Variants in EYS observed in about 807,000 individuals in gnomAD.
The protein encoded by EYS is EGF-like photoreceptor maintenance factor, also known as protein eyes shut homolog.
EYS carries 250 observed loss-of-function variants against 282.1 expected under a neutral mutation model. That is an observed-to-expected ratio of 0.89 (90% CI 0.80 to 0.98). The LOEUF (loss-of-function observed/expected upper bound fraction) is 0.98, where lower values mean the gene tolerates loss of function less well. EYS is among the 50% of genes least tolerant of loss of function. The pLI, the probability that EYS is intolerant of heterozygous loss-of-function variation, is 0.00. For synonymous variants in EYS, 1,355 were observed against 1,282.9 expected (o/e 1.06, Z -1.20); for missense variants, 4,016 against 3,709.0 (o/e 1.08, Z -2.15).
At chr6:65,108,786 C>T (rs531438325) in intron 12 of EYS, among the ~76,000 whole-genome samples, 41 of 152,066 alleles carry the variant, frequency 2.7e-4, no homozygotes, top group African/African-American at 9.2e-4. Flanking sequence ...TTTTTTCTGC[C>T]CTATGCTTTC....
intron 31 of EYS, among the ~76,000 whole-genome samples, chr6:64,204,060 T>A (rs1765549285): frequency 6.6e-6 from 1 of 152,150 alleles, no homozygotes; most frequent in Admixed American, 6.6e-5. Flanking sequence ...AATAAACTAT[T>A]TGAGGCTAAA....
chr6:65,238,843 C>T (rs1766989001), intron 12 of EYS, among the ~76,000 whole-genome samples: 2 of 142,484 alleles, frequency 1.4e-5, no homozygotes, highest in African/African-American at 5.7e-5. Flanking sequence ...ATAAATAAAA[C>T]ACCCAAATTT....
chr6:64,096,055 T>C (rs1263222857), intron 31 of EYS, among the ~76,000 whole-genome samples: 1 of 152,220 alleles, frequency 6.6e-6, no homozygotes, highest in Non-Finnish European at 1.5e-5. Context: ...ATAATTCTTT[T>C]CTTTAAGAAT....
chr6:65,181,028 C>T (rs547716299), intron 12 of EYS, among the ~76,000 whole-genome samples: 42 of 152,252 alleles, frequency 2.8e-4, no homozygotes, highest in African/African-American at 9.1e-4. Flanking sequence ...AACTGGATCC[C>T]TTCCTTACAC....
intron 11 of EYS, among the ~76,000 whole-genome samples, chr6:65,313,151 T>C (rs1337125819): frequency 6.6e-6 from 1 of 152,114 alleles, no homozygotes; most frequent in Non-Finnish European, 1.5e-5. Flanking sequence ...TTTTTCCCCA[T>C]AGGTAGGGCT....
Position 63,937,381 on chromosome 6 carries a change from T to C in EYS, c.7055+47002A>G, listed in dbSNP as rs1462526245. Among the ~76,000 whole-genome samples the C allele has an allele frequency of 5.8e-3, 456 of 78,448 alleles. 27 individuals carry two copies. Among genetic ancestry groups the C allele is most frequent in the African/African-American group, 0.025 (439 of 17,906 alleles). 51.5% of individuals were successfully genotyped at this position (78,448 alleles called of 152,430 possible). On this transcript the variant is annotated intron_variant, in intron 35 of 42. Transcript: ENST00000503581. ...TTTTTTTTTTTTTTTTTTTTTTTTT[T>C]TTTTTTTTTTTTTTTTTGAGACGGA...
intron 35 of EYS, among the ~76,000 whole-genome samples, chr6:63,921,986 A>G (rs1418028975): frequency 6.6e-6 from 1 of 152,194 alleles, no homozygotes; most frequent in African/African-American, 2.4e-5. Flanking sequence ...GCCTAACCTA[A>G]TAAGACTGTG....
chr6:64,405,459 G>T (rs148584094), intron 28 of EYS, among the ~76,000 whole-genome samples: 1 of 152,110 alleles, frequency 6.6e-6, no homozygotes, highest in Admixed American at 6.6e-5. Flanking sequence ...ATTCAACATA[G>T]TATTAGAAGT....
chr6:64,304,772 C>G (rs535526074), intron 30 of EYS, among the ~76,000 whole-genome samples: 1 of 151,952 alleles, frequency 6.6e-6, no homozygotes, highest in South Asian at 2.1e-4. Context: ...GTTTAACAAC[C>G]AAAGGATCAA....
intron 12 of EYS, among the ~76,000 whole-genome samples, chr6:65,138,086 T>A (rs1224235866): frequency 6.6e-6 from 1 of 152,064 alleles, no homozygotes; most frequent in Non-Finnish European, 1.5e-5. Flanking sequence ...TTTTAAAATA[T>A]CACCTGAGGC....
intron 22 of EYS, among the ~76,000 whole-genome samples, chr6:64,731,618 G>A (rs183646697): frequency 5.5e-4 from 84 of 152,276 alleles, no homozygotes; most frequent in Non-Finnish European, 1.1e-3. Context: ...GAGATACCAT[G>A]TCACACCAGT....
intron 19 of EYS, among the ~76,000 whole-genome samples, chr6:64,849,615 G>A (rs1461706301): frequency 6.6e-6 from 1 of 152,012 alleles, no homozygotes; most frequent in Non-Finnish European, 1.5e-5. Context: ...ACTAAAATTA[G>A]TTGTTGGCCA....
intron 31 of EYS, among the ~76,000 whole-genome samples, chr6:64,083,062 A>T (rs1340643169): frequency 1.3e-5 from 2 of 151,936 alleles, no homozygotes; most frequent in Non-Finnish European, 2.9e-5. Flanking sequence ...GTGTGTGCCA[A>T]CACGCCTGGC....
At chr6:64,444,090 C>T (rs1026778549) in intron 26 of EYS, among the ~76,000 whole-genome samples, 1 of 143,308 alleles carries the variant, frequency 7.0e-6, no homozygotes, top group Non-Finnish European at 1.6e-5. Flanking sequence ...CCTGCTTATT[C>T]CTCTCATGAA....
chr6:64,729,057 GC>G (rs1051808954), intron 22 of EYS: 4 of 152,598 alleles, frequency 2.6e-5, no homozygotes, highest in African/African-American at 9.7e-5. Flanking sequence ...TGCTGATGGA[GC>G]CTGGGGTTTT....
At chr6:65,094,262 A>T (rs1774661629) in intron 12 of EYS, among the ~76,000 whole-genome samples, 1 of 150,782 alleles carries the variant, frequency 6.6e-6, no homozygotes, top group South Asian at 2.1e-4. Context: ...GACAGAAAAA[A>T]ATCACAGCAG....
intron 35 of EYS, among the ~76,000 whole-genome samples, chr6:63,981,882 A>G (rs866512652): frequency 2.0e-4 from 31 of 152,026 alleles, no homozygotes; most frequent in African/African-American, 7.5e-4. Flanking sequence ...ATTTACAATT[A>G]CCTTGGCTCT....
chr6:65,573,696 G>C (rs1764557639), intron 2 of EYS, among the ~76,000 whole-genome samples: 1 of 152,134 alleles, frequency 6.6e-6, no homozygotes, highest in Non-Finnish European at 1.5e-5. Context: ...TAAGATGTTA[G>C]TTTGCACACA....
At chr6:64,523,578 G>C (rs1424888512) in intron 26 of EYS, among the ~76,000 whole-genome samples, 2 of 151,728 alleles carry the variant, frequency 1.3e-5, no homozygotes, top group Non-Finnish European at 3.0e-5. Flanking sequence ...AAGTTTTCTG[G>C]TTCCAAGGTT....
Sources: allele counts gnomAD v4.1 joint callset (sites outside exome capture counted in the v4.1 genomes callset), GRCh38; gene constraint gnomAD v4.1.1; transcripts MANE v1.5; gene names NCBI Gene and HGNC (gene_info 2026-07-23, HGNC 2026-07-21).